PLEKHA8: variants seen among roughly 807,000 people sequenced by gnomAD.
The protein encoded by PLEKHA8 is pleckstrin homology domain-containing family A member 8.
In PLEKHA8, 36 loss-of-function variants were observed where a neutral mutation model predicts 68.2. That is an observed-to-expected ratio of 0.53 (90% CI 0.40 to 0.70). The LOEUF (loss-of-function observed/expected upper bound fraction) is 0.70. Ranked by LOEUF, PLEKHA8 falls within the 30% of genes least tolerant of loss-of-function variation. The pLI, the probability that PLEKHA8 is intolerant of heterozygous loss-of-function variation, is 0.00. For missense variants in PLEKHA8, 505 were observed against 615.4 expected (o/e 0.82, Z 1.90); for synonymous variants, 211 against 216.1 (o/e 0.98, Z 0.20).
chr7:30,081,956 G>GA lies in PLEKHA8; in HGVS notation c.*3174dup. 2 of 951,748 alleles carry GA rather than the reference G, an allele frequency of 2.1e-6. No homozygotes were observed. Among genetic ancestry groups the GA allele is most frequent in the Non-Finnish European group, 2.5e-6 (2 of 799,386 alleles). The allele number at this position is 951,748 out of a possible 1,614,324, so 59.0% of individuals were successfully genotyped here. On this transcript the variant is annotated 3_prime_UTR_variant, in exon 14 of 14. Transcript: ENST00000449726. ...CAGATTCCTTATAGCTAATGCTGGT[G>GA]AAAAATGTTAAATTGGAGAGATCCC...
downstream of PLEKHA8, among the ~76,000 whole-genome samples, chr7:30,088,522 GCTGGTTTAGTC>G (rs1795270215): frequency 6.6e-6 from 1 of 152,192 alleles, no homozygotes; most frequent in Non-Finnish European, 1.5e-5. Flanking sequence ...CCCCAGAGCT[GCTGGTTTAGTC>G]CTTTAAAATT....
Position 30,115,771 on chromosome 7 carries a change from T to TATGC in PLEKHA8, c.1363-13488_1363-13485dup, listed in dbSNP as rs1156852357. The TATGC allele has an allele frequency of 1.5e-5, 2 of 136,466 alleles. 1 individual carries two copies. Among genetic ancestry groups the TATGC allele is most frequent in the Non-Finnish European group, 3.2e-5 (2 of 62,884 alleles). The allele number at this position is 136,466 out of a possible 1,614,324, so 8.5% of individuals were successfully genotyped here. ...ATACGTGCACATACATGTATACACG[T>TATGC]ATGCATGCATACATACGTGCACATA... On this transcript the variant is annotated intron_variant, in intron 13 of 13. Transcript: ENST00000396257.
chr7:30,078,008 G>T (rs755349595), intron 13 of PLEKHA8, among the ~76,000 whole-genome samples: 2 of 152,150 alleles, frequency 1.3e-5, no homozygotes, highest in African/African-American at 2.4e-5. Flanking sequence ...ACTGTACAGG[G>T]TTCTTATAAA....
intron 13 of PLEKHA8, among the ~76,000 whole-genome samples, chr7:30,100,460 G>A (rs1047421411): frequency 1.3e-5 from 2 of 151,714 alleles, no homozygotes; most frequent in African/African-American, 2.4e-5. Flanking sequence ...GCCGAGGCAA[G>A]AGAATCACTT....
At chr7:30,055,569 TA>T (rs1224845801) in intron 9 of PLEKHA8, among the ~76,000 whole-genome samples, 2 of 152,228 alleles carry the variant, frequency 1.3e-5, no homozygotes, top group African/African-American at 4.8e-5. Flanking sequence ...TAATGTAATT[TA>T]AAAGGGGGAT....
chr7:30,069,266 T>A (rs1318738853), intron 12 of PLEKHA8, among the ~76,000 whole-genome samples: 1 of 152,268 alleles, frequency 6.6e-6, no homozygotes, highest in Non-Finnish European at 1.5e-5. Flanking sequence ...GCCTCAGAAC[T>A]GTCTAGTTGA....
chr7:30,097,329 C>T (rs138488603), intron 13 of PLEKHA8, among the ~76,000 whole-genome samples: 2,876 of 152,178 alleles, frequency 0.019, 42 homozygotes, highest in East Asian at 0.041. Flanking sequence ...CTTGAGGAGT[C>T]TCTTTGTGGC....
intron 12 of PLEKHA8, among the ~76,000 whole-genome samples, chr7:30,067,436 C>T (rs532812650): frequency 1.1e-4 from 17 of 152,226 alleles, no homozygotes; most frequent in African/African-American, 4.1e-4. Flanking sequence ...CACCATTGCA[C>T]TCCAGCCTGG....
chr7:30,028,943 G>A (rs1017118332), intron 1 of PLEKHA8, 141 bp downstream of exon 1: 1 of 1,005,718 alleles, frequency 9.9e-7, no homozygotes, highest in Admixed American at 4.3e-5. Context: ...ATTTCCCAAA[G>A]CAGTTCTCTC....
At chr7:30,129,774 G>A (rs1796841901), downstream of PLEKHA8, 1 of 156,808 alleles carries the variant, frequency 6.4e-6, no homozygotes, top group Non-Finnish European at 1.4e-5. Context: ...TTACAGATGA[G>A]AAAACTGGGG....
At position 30,084,591 on chromosome 7, in the gene PLEKHA8, G is replaced by T. The variant is rs749749909; in HGVS notation, c.*5804G>T. The T allele has an allele frequency of 3.4e-4, 325 of 966,906 alleles. No individual in the cohort carries two copies. The highest frequency in any genetic ancestry group is 3.9e-4 in the Non-Finnish European group (315 of 813,300). The allele number at this position is 966,906 out of a possible 1,614,324, so 59.9% of individuals were successfully genotyped here. A position where few individuals can be genotyped will look rare whatever the true frequency, so the allele number is the denominator to read the frequency against. ...AGGGTTTTACTTTTTTTGCAAAAAT[G>T]TTTGAAAATATCTGTCAGATTTTAT... On this transcript the variant is annotated 3_prime_UTR_variant, in exon 14 of 14. Transcript: ENST00000449726.
In PLEKHA8 at chr7:30,080,420, C is replaced by G. The variant is rs1159960438; in HGVS notation, c.*1633C>G. 29 of 984,968 alleles carry G rather than the reference C, an allele frequency of 2.9e-5. No individual in the cohort carries two copies. The highest frequency in any genetic ancestry group is 3.1e-5 in the Non-Finnish European group (26 of 829,878). 61.0% of individuals were successfully genotyped at this position (984,968 alleles called of 1,614,324 possible). On this transcript the variant is annotated 3_prime_UTR_variant, in exon 14 of 14. Coordinates refer to ENST00000449726, the MANE Select transcript of PLEKHA8 (RefSeq NM_001197026.2). ...CCAGGGTAGAAGGTCCTTTGAGGGG[C>G]TTGGTTGAATTGAGAGCATCATCTC... is the stretch of plus-strand genomic sequence containing the variant.
At chr7:30,071,331 C>T (rs548055266) in intron 12 of PLEKHA8, among the ~76,000 whole-genome samples, 1 of 152,282 alleles carries the variant, frequency 6.6e-6, no homozygotes, top group South Asian at 2.1e-4. Context: ...TGCTCACCAT[C>T]GCCCAGCATG....
rs1177561519 is a variant in PLEKHA8 at position 30,090,464 on chromosome 7, A to T, written c.*289A>T. 1.0e-5 allele frequency: 3 copies of T among 296,408 alleles called. No individual in the cohort carries two copies. The East Asian group carries it at 1.8e-4, about 18-fold the overall frequency. 18.4% of individuals were successfully genotyped at this position (296,408 alleles called of 1,614,324 possible). The stretch of plus-strand genomic sequence containing the variant: ...TTCTTAAGGAAACCATTTGATAGGA[A>T]AGATGAACCAAATAACTCAATGATG... On this transcript the variant is annotated 3_prime_UTR_variant, in exon 13 of 13. Coordinates refer to the PLEKHA8 transcript ENST00000258679.
chr7:30,081,365 T>A lies in PLEKHA8; in HGVS notation c.*2578T>A. ...GGAACTGAGGATCCTTAAATAAAAA[T>A]ATTAGAAATTAGAAATTGAACCTAA... On this transcript the variant is annotated 3_prime_UTR_variant, in exon 14 of 14. Transcript: ENST00000449726. 1 of 984,158 alleles carries A rather than the reference T, an allele frequency of 1.0e-6. No homozygotes were observed. The allele number at this position is 984,158 out of a possible 1,614,324, so 61.0% of individuals were successfully genotyped here. A position where few individuals can be genotyped will look rare whatever the true frequency, so the allele number is the denominator to read the frequency against.
At chr7:30,060,757 A>C (rs1229478264) in intron 9 of PLEKHA8, 127 bp from the exon 10 acceptor site, 1 of 712,848 alleles carries the variant, frequency 1.4e-6, no homozygotes, top group African/African-American at 1.8e-5. Context: ...GATTATGTTT[A>C]GATAAATGAT....
At chr7:30,078,477 CT>C in intron 13 of PLEKHA8, 112 bp from the exon 14 acceptor site, 1 of 1,144,856 alleles carries the variant, frequency 8.7e-7, no homozygotes. Flanking sequence ...TACTCTTGCT[CT>C]TCTCAGCTGT....
chr7:30,062,629 A>C, intron 11 of PLEKHA8, 43 bp from the exon 12 acceptor site: 1 of 1,457,116 alleles, frequency 6.9e-7, no homozygotes, highest in Admixed American at 1.7e-5. Context: ...ACTCAACATA[A>C]GTGAACTTTG....
chr7:30,061,335 GC>G (rs1217385708), intron 10 of PLEKHA8, among the ~76,000 whole-genome samples: 1 of 152,142 alleles, frequency 6.6e-6, no homozygotes, highest in African/African-American at 2.4e-5. Context: ...GACTCAAAAG[GC>G]CCATTTCCAG....
Sources: gnomAD v4.1 joint callset for allele counts (sites outside exome capture counted in the v4.1 genomes callset) on GRCh38, gnomAD v4.1.1 for gene constraint, MANE v1.5 for transcripts, NCBI Gene and HGNC (gene_info 2026-07-23, HGNC 2026-07-21) for gene names.